The following CCDC6 variants were observed in gnomAD, a reference collection of about 807,000 sequenced individuals.
CCDC6 encodes coiled-coil domain containing 6, also known as coiled-coil domain-containing protein 6.
CCDC6 carries 20 observed loss-of-function variants against 56.6 expected under a neutral mutation model. The ratio of observed to expected loss-of-function variants is 0.35; its 90% CI spans 0.25 to 0.51. The LOEUF is 0.51. Among genes scored for constraint, CCDC6 ranks in the 20% least tolerant of loss-of-function variants. CCDC6 has a pLI of 0.95. For missense variants in CCDC6, 367 were observed against 601.1 expected, an observed-to-expected ratio of 0.61 and a Z score of 4.07; for synonymous variants, 241 against 234.4, an observed-to-expected ratio of 1.03 and a Z score of -0.26.
chr10:59,797,211 GAC>G (rs1215420521), intron 7 of CCDC6, among the ~76,000 whole-genome samples: 1 of 152,090 alleles, frequency 6.6e-6, no homozygotes, highest in Non-Finnish European at 1.5e-5. Context: ...CAATCTCATA[GAC>G]ACAGAGTAGA....
Position 59,830,257 on chromosome 10 carries a change from G to A in CCDC6, c.582+2268C>T, listed in dbSNP as rs150970219. ...TCTTCTGACAATAATATAGAGTACA[G>A]GATATCCTTTATAATATAATATAGA... On this transcript the variant is annotated intron_variant, in intron 3 of 8. Coordinates refer to ENST00000263102, the MANE Select transcript of CCDC6 (RefSeq NM_005436.5). Among the ~76,000 whole-genome samples the A allele has an allele frequency of 3.8e-4, 58 of 152,184 alleles. 1 individual carries two copies. The highest frequency in any genetic ancestry group is 1.4e-3 in the African/African-American group (57 of 41,490).
chr10:59,836,725 C>T (rs2070886518), intron 2 of CCDC6, among the ~76,000 whole-genome samples: 1 of 152,086 alleles, frequency 6.6e-6, no homozygotes, highest in South Asian at 2.1e-4. Context: ...AGTTTTATAA[C>T]CCTTATTTGT....
At position 59,792,279 on chromosome 10, in the gene CCDC6, GATTC is replaced by G. The variant is rs1482920863; in HGVS notation, c.*634_*637del. The G allele has an allele frequency of 3.0e-6, 1 of 330,994 alleles. No individual in the cohort carries two copies. The highest frequency in any genetic ancestry group is 5.7e-6 in the Non-Finnish European group (1 of 176,832). 20.5% of individuals were successfully genotyped at this position (330,994 alleles called of 1,614,324 possible). A position where few individuals can be genotyped will look rare whatever the true frequency, so the allele number is the denominator to read the frequency against. On this transcript the variant is annotated 3_prime_UTR_variant, in exon 9 of 9. Coordinates refer to ENST00000263102, the MANE Select transcript of CCDC6 (RefSeq NM_005436.5). ...TTATGTGGAGAAGGTACAGCCACAT[GATTC>G]ATTACTTTGGGCCATCTGTTTTACG... is the stretch of plus-strand genomic sequence containing the variant.
intron 2 of CCDC6, among the ~76,000 whole-genome samples, chr10:59,846,150 G>T (rs2070989530): frequency 6.6e-6 from 1 of 151,998 alleles, no homozygotes; most frequent in Admixed American, 6.6e-5. Context: ...TCTTTCAGGG[G>T]TTAAGTAAGC....
chr10:59,848,926 G>C (rs2071015839), intron 2 of CCDC6, among the ~76,000 whole-genome samples: 1 of 152,090 alleles, frequency 6.6e-6, no homozygotes, highest in Admixed American at 6.5e-5. Context: ...TGTTGGCCAG[G>C]CTGGTCTTGA....
At chr10:59,874,303 T>G (rs2071259521) in intron 1 of CCDC6, among the ~76,000 whole-genome samples, 1 of 152,208 alleles carries the variant, frequency 6.6e-6, no homozygotes, top group Non-Finnish European at 1.5e-5. Flanking sequence ...ACTTGCCTTT[T>G]GTTCTCCTAT....
At chr10:59,799,625 T>C (rs1208944467) in intron 7 of CCDC6, among the ~76,000 whole-genome samples, 2 of 152,206 alleles carry the variant, frequency 1.3e-5, no homozygotes, top group Non-Finnish European at 2.9e-5. Flanking sequence ...TTTATTGCTC[T>C]TGATTCAGAC....
At position 59,900,927 on chromosome 10, in the gene CCDC6, G is replaced by A. The variant is rs1315250206; in HGVS notation, c.303+5195C>T. On this transcript the variant is annotated intron_variant, in intron 1 of 8. Coordinates refer to ENST00000263102, the MANE Select transcript of CCDC6 (RefSeq NM_005436.5). ...TACAAAACTAGGTGGGCATGGTGGC[G>A]CATGCCTGTAGTCCCAGCTAGTAGG... Among the ~76,000 whole-genome samples the A allele has an allele frequency of 2.6e-5, 4 of 152,084 alleles. No individual in the cohort carries two copies. In the East Asian group the frequency reaches 5.8e-4, roughly 22 times the overall value.
At chr10:59,836,365 G>T (rs549296529) in intron 2 of CCDC6, among the ~76,000 whole-genome samples, 2 of 152,326 alleles carry the variant, frequency 1.3e-5, no homozygotes, top group East Asian at 3.9e-4. Flanking sequence ...ACCCTGGGAA[G>T]CCTGGTGCAG....
chr10:59,880,482 T>C (rs1257062997), intron 1 of CCDC6, among the ~76,000 whole-genome samples: 1 of 152,102 alleles, frequency 6.6e-6, no homozygotes. Context: ...GAGTTCAAAC[T>C]CCACATAGTG....
intron 1 of CCDC6, among the ~76,000 whole-genome samples, chr10:59,892,595 A>C (rs1247847214): frequency 6.6e-6 from 1 of 152,166 alleles, no homozygotes. Flanking sequence ...CTGATTTTGA[A>C]ATGTATTTTG....
intron 2 of CCDC6, among the ~76,000 whole-genome samples, chr10:59,834,967 C>T (rs1260449834): frequency 6.6e-6 from 1 of 152,190 alleles, no homozygotes; most frequent in East Asian, 1.9e-4. Context: ...CTTCTATCTG[C>T]AGGTACTATG....
chr10:59,791,835 A>C lies in CCDC6; in HGVS notation c.*1082T>G. 4.6e-6 allele frequency: 1 copy of C among 217,906 alleles called. No homozygotes were observed. Among genetic ancestry groups the C allele is most frequent in the East Asian group, 6.9e-5 (1 of 14,504 alleles). The allele number at this position is 217,906 out of a possible 1,614,324, so 13.5% of individuals were successfully genotyped here. ...CAGAATATACTTCTTTGTACACTGC[A>C]CTTGCTTATACTGGGTGAAATGAAC... On this transcript the variant is annotated 3_prime_UTR_variant, in exon 9 of 9. Transcript: ENST00000263102.
At chr10:59,876,624 G>C (rs2071284111) in intron 1 of CCDC6, among the ~76,000 whole-genome samples, 1 of 142,376 alleles carries the variant, frequency 7.0e-6, no homozygotes, top group South Asian at 2.2e-4. Context: ...TCCAAAAGTA[G>C]CCCTGCTTCC....
At chr10:59,846,832 C>G (rs2070996166) in intron 2 of CCDC6, among the ~76,000 whole-genome samples, 1 of 152,196 alleles carries the variant, frequency 6.6e-6, no homozygotes, top group Admixed American at 6.5e-5. Flanking sequence ...AGTTTATTAA[C>G]TTTTGGTAGT....
At chr10:59,877,274 C>A (rs1490596831) in intron 1 of CCDC6, among the ~76,000 whole-genome samples, 2 of 152,150 alleles carry the variant, frequency 1.3e-5, no homozygotes, top group African/African-American at 2.4e-5. Context: ...TAATAAAGCA[C>A]CAGAATCACT....
At chr10:59,844,631 T>C (rs2070973595) in intron 2 of CCDC6, among the ~76,000 whole-genome samples, 2 of 132,738 alleles carry the variant, frequency 1.5e-5, no homozygotes, top group Non-Finnish European at 3.1e-5. Context: ...CTAGTTAAAA[T>C]TAGCCCAGTT....
chr10:59,803,092 C>T (rs890338653), intron 7 of CCDC6, among the ~76,000 whole-genome samples: 15 of 152,140 alleles, frequency 9.9e-5, no homozygotes, highest in African/African-American at 3.6e-4. Flanking sequence ...AGAAGAGAAG[C>T]TTCTGAAGAG....
rs74643462 is a variant in CCDC6, at chr10:59,852,709, A to C, written c.304-7T>G. 5.6e-6 allele frequency: 2 copies of C among 356,494 alleles called. No individual in the cohort carries two copies. The highest frequency in any genetic ancestry group is 7.4e-6 in the Non-Finnish European group (2 of 270,794). The allele number at this position is 356,494 out of a possible 1,614,324, so 22.1% of individuals were successfully genotyped here. On this transcript the variant is annotated splice_region_variant and splice_polypyrimidine_tract_variant and intron_variant, in intron 1 of 8. Transcript: ENST00000263102. ...CCTGCTCAGCCCTGGCTTGCTGTTTAAAAAAAAAAAAGGAAAGAACAAAAC... is the reference window on the plus strand; with the variant it reads ...CCTGCTCAGCCCTGGCTTGCTGTTTCAAAAAAAAAAAGGAAAGAACAAAAC...
Sources: allele counts gnomAD v4.1 joint callset (sites outside exome capture counted in the v4.1 genomes callset), GRCh38; gene constraint gnomAD v4.1.1; transcripts MANE v1.5; gene names NCBI Gene and HGNC (gene_info 2026-07-23, HGNC 2026-07-21).